The following ARIH1 variants were observed in gnomAD, a reference collection of about 807,000 sequenced individuals.
ARIH1 encodes the protein ariadne RBR E3 ubiquitin protein ligase 1, also known as E3 ubiquitin-protein ligase ARIH1.
Under a neutral mutation model 85.0 loss-of-function variants are expected in ARIH1, and 8 were observed. The observed-to-expected ratio is 0.09, with a 90% CI of 0.06 to 0.17. ARIH1 has a LOEUF of 0.17. Among genes scored for constraint, ARIH1 ranks in the 10% least tolerant of loss-of-function variants. ARIH1 has a pLI of 1.00. For missense variants in ARIH1, 311 were observed against 718.1 expected, an observed-to-expected ratio of 0.43 and a Z score of 6.48; for synonymous variants, 238 against 253.6, an observed-to-expected ratio of 0.94 and a Z score of 0.59.
intron 5 of ARIH1, among the ~76,000 whole-genome samples, chr15:72,560,921 G>T (rs932280599): frequency 5.9e-5 from 9 of 152,122 alleles, no homozygotes; most frequent in African/African-American, 2.2e-4. Context: ...GGAAATTCTT[G>T]TGAGTTATAG....
chr15:72,477,672 A>G (rs993779753), intron 1 of ARIH1, among the ~76,000 whole-genome samples: 2 of 152,160 alleles, frequency 1.3e-5, no homozygotes, highest in East Asian at 1.9e-4. Flanking sequence ...CTGGCTTTCT[A>G]TAATTTCCCA....
intron 2 of ARIH1, among the ~76,000 whole-genome samples, chr15:72,524,026 A>C (rs1245946981): frequency 7.1e-6 from 1 of 140,754 alleles, no homozygotes; most frequent in Non-Finnish European, 1.5e-5. Context: ...GGCTCACTGT[A>C]AGCTCCGCCT....
Position 72,583,219 on chromosome 15 carries a change from G to T in ARIH1, c.1601G>T (p.Ser534Ile). ...KVQDKYRYCE[S>I]RRRVLLQHVH... is the part of the protein sequence containing the mutation. The stretch of plus-strand genomic sequence containing the variant: ...CTCTTTGATTACAGATACTGTGAGA[G>T]TCGACGAAGGGTTTTGTTACAGCAT... The change falls in exon 14 of 14, where the codon AGT becomes ATT. Residue 534 changes from serine (S) to isoleucine (I), a missense_variant. This residue lies in a region of ARIH1 where 50 missense variants were observed against 311.7 expected (regional missense o/e 0.16). Coordinates refer to ENST00000379887, the MANE Select transcript of ARIH1 (RefSeq NM_005744.5). The T allele has an allele frequency of 6.2e-7, 1 of 1,610,992 alleles. No homozygotes were observed. The highest frequency in any genetic ancestry group is 8.5e-7 in the Non-Finnish European group (1 of 1,178,338).
Position 72,587,118 on chromosome 15 carries a change from A to C in ARIH1, c.*3826A>C. 1 of 448,238 alleles carries C rather than the reference A, an allele frequency of 2.2e-6. No individual in the cohort carries two copies. The highest frequency in any genetic ancestry group is 4.5e-6 in the Non-Finnish European group (1 of 224,332). The allele number at this position is 448,238 out of a possible 1,614,324, so 27.8% of individuals were successfully genotyped here. ...TTCAAAGCACTTCAACTTACTGTCTAAAACAAGTGGAGAAGAAATTGCCAT... is the reference window on the plus strand; with the variant it reads ...TTCAAAGCACTTCAACTTACTGTCTCAAACAAGTGGAGAAGAAATTGCCAT... On this transcript the variant is annotated 3_prime_UTR_variant, in exon 14 of 14. Transcript: ENST00000379887.
rs2064302392 is a variant in ARIH1, at chr15:72,583,389, A to G, written c.*97A>G. On this transcript the variant is annotated 3_prime_UTR_variant, in exon 14 of 14. Coordinates refer to ENST00000379887, the MANE Select transcript of ARIH1 (RefSeq NM_005744.5). ...ACACAAACAAGGAGGCACTAAGCCT[A>G]TTCTGACACCACTGGTCTGTAGTAC... The G allele has an allele frequency of 2.2e-6, 2 of 889,746 alleles. No individual in the cohort carries two copies. Among genetic ancestry groups the G allele is most frequent in the Non-Finnish European group, 3.6e-6 (2 of 556,558 alleles). The allele number at this position is 889,746 out of a possible 1,614,324, so 55.1% of individuals were successfully genotyped here. A position where few individuals can be genotyped will look rare whatever the true frequency, so the allele number is the denominator to read the frequency against.
chr15:72,528,660 C>T (rs2064040980), intron 2 of ARIH1, among the ~76,000 whole-genome samples: 1 of 151,870 alleles, frequency 6.6e-6, no homozygotes, highest in Non-Finnish European at 1.5e-5. Flanking sequence ...TTGAGACTAG[C>T]CTGGACAACA....
intron 2 of ARIH1, among the ~76,000 whole-genome samples, chr15:72,541,049 T>TA (rs761463593): frequency 1.1e-4 from 16 of 152,026 alleles, no homozygotes; most frequent in Admixed American, 5.9e-4. Context: ...CCAACGCTAG[T>TA]ATGGAGGCTG....
chr15:72,502,711 T>C (rs900027942), intron 1 of ARIH1, among the ~76,000 whole-genome samples: 1 of 151,892 alleles, frequency 6.6e-6, no homozygotes, highest in South Asian at 2.1e-4. Context: ...GAAGCTGAGG[T>C]GAGAGGATTG....
chr15:72,557,794 A>ATG (rs2064181275), intron 5 of ARIH1, among the ~76,000 whole-genome samples: 1 of 152,044 alleles, frequency 6.6e-6, no homozygotes, highest in African/African-American at 2.4e-5. Flanking sequence ...ACAACCATTT[A>ATG]TGTGTGTGTG....
At chr15:72,494,845 G>A (rs1334549704) in intron 1 of ARIH1, among the ~76,000 whole-genome samples, 2 of 150,976 alleles carry the variant, frequency 1.3e-5, no homozygotes, top group African/African-American at 2.4e-5. Context: ...AAAAAACTTA[G>A]TGATTAAGTC....
At chr15:72,532,286 T>TA (rs1237326963) in intron 2 of ARIH1, among the ~76,000 whole-genome samples, 35 of 148,774 alleles carry the variant, frequency 2.4e-4, no homozygotes, top group Admixed American at 1.2e-3. Context: ...GTGGATGGTT[T>TA]AAAAAAAAAC....
At chr15:72,563,368 T>G in intron 6 of ARIH1, 26 bp from the exon 7 acceptor site, 1 of 1,599,390 alleles carries the variant, frequency 6.3e-7, no homozygotes, top group Non-Finnish European at 8.6e-7. Context: ...CAGCTGTCAT[T>G]TTTTATTTTC....
intron 2 of ARIH1, among the ~76,000 whole-genome samples, chr15:72,525,099 C>T (rs1404998880): frequency 6.6e-6 from 1 of 152,122 alleles, no homozygotes; most frequent in Non-Finnish European, 1.5e-5. Flanking sequence ...TCATGTTGGC[C>T]AGGCTGGTCT....
intron 2 of ARIH1, among the ~76,000 whole-genome samples, chr15:72,533,881 TG>T (rs2064069272): frequency 6.6e-6 from 1 of 152,166 alleles, no homozygotes; most frequent in Admixed American, 6.5e-5. Flanking sequence ...CACTACAACC[TG>T]GGCGACAGAG....
At chr15:72,498,322 A>G (rs558013515) in intron 1 of ARIH1, among the ~76,000 whole-genome samples, 6 of 151,950 alleles carry the variant, frequency 3.9e-5, no homozygotes, top group Non-Finnish European at 7.4e-5. Context: ...GCAAGTTGCT[A>G]TTTTTTCCTT....
At chr15:72,537,037 T>C (rs1280128482) in intron 2 of ARIH1, among the ~76,000 whole-genome samples, 1 of 152,166 alleles carries the variant, frequency 6.6e-6, no homozygotes, top group African/African-American at 2.4e-5. Context: ...AGAGATTAGC[T>C]TAAGAAACCT....
intron 1 of ARIH1, among the ~76,000 whole-genome samples, chr15:72,497,144 A>T (rs1371394656): frequency 6.6e-6 from 1 of 152,232 alleles, no homozygotes; most frequent in Non-Finnish European, 1.5e-5. Flanking sequence ...AATTAAATGG[A>T]GGATATTAAT....
chr15:72,524,146 A>G (rs887609740), intron 2 of ARIH1, among the ~76,000 whole-genome samples: 2 of 151,274 alleles, frequency 1.3e-5, no homozygotes, highest in Admixed American at 6.6e-5. Context: ...ACGGGGTTTC[A>G]CCATATTAGC....
At position 72,474,999 on chromosome 15, in the gene ARIH1, C is replaced by A; in HGVS notation, c.360C>A (p.Val120=). 6.4e-7 allele frequency: 1 copy of A among 1,557,202 alleles called. No homozygotes were observed. The highest frequency in any genetic ancestry group is 1.2e-5 in the South Asian group (1 of 84,572). Residue 120 remains valine (V), a synonymous_variant, in exon 1 of 14, where the codon GTC becomes GTA. Coordinates refer to ENST00000379887, the MANE Select transcript of ARIH1 (RefSeq NM_005744.5). ...LQHMVECIRE[V]NEVIQNPATI... ...ACATGGTGGAATGTATCCGGGAGGT[C>A]AACGAGGTCATCCAGGTGAGGGTGG...
Sources: allele counts gnomAD v4.1 joint callset (sites outside exome capture counted in the v4.1 genomes callset), GRCh38; gene constraint gnomAD v4.1.1; regional missense constraint gnomAD v4.1.1; transcripts MANE v1.5; gene names NCBI Gene and HGNC (gene_info 2026-07-23, HGNC 2026-07-21).